The following PDE1C variants were observed in gnomAD, a reference collection of about 807,000 sequenced individuals.
PDE1C encodes phosphodiesterase 1C, also known as dual specificity calcium/calmodulin-dependent 3',5'-cyclic nucleotide phosphodiesterase 1C.
In PDE1C, 62 loss-of-function variants were observed where a neutral mutation model predicts 93.1. That is an observed-to-expected ratio of 0.67 (90% CI 0.54 to 0.82). PDE1C has a LOEUF of 0.82. Ranked by LOEUF, PDE1C falls within the 40% of genes least tolerant of loss-of-function variation. The probability of loss-of-function intolerance (pLI) is 0.00; values close to 1 mark genes in which losing one functional copy is unlikely to be tolerated. For synonymous variants in PDE1C, 325 were observed against 310.1 expected, an observed-to-expected ratio of 1.05 and a Z score of -0.50; for missense variants, 742 against 884.6, an observed-to-expected ratio of 0.84 and a Z score of 2.04.
chr7:31,826,431 T>C (rs1475214654), intron 12 of PDE1C, among the ~76,000 whole-genome samples: 1 of 152,218 alleles, frequency 6.6e-6, no homozygotes, highest in Admixed American at 6.5e-5. Context: ...ATGTATTGTG[T>C]ATTATGGTTA....
intron 2 of PDE1C, among the ~76,000 whole-genome samples, chr7:31,964,980 A>G (rs1809675757): frequency 6.6e-6 from 1 of 152,172 alleles, no homozygotes; most frequent in South Asian, 2.1e-4. Flanking sequence ...CAAAGACCAA[A>G]GGTAGATAAA....
intron 2 of PDE1C, among the ~76,000 whole-genome samples, chr7:32,033,277 A>T (rs573065578): frequency 6.6e-6 from 1 of 152,254 alleles, no homozygotes; most frequent in Non-Finnish European, 1.5e-5. Context: ...GGGAGAAGCG[A>T]GCCATGAAAT....
At chr7:31,964,368 C>A (rs561453821) in intron 2 of PDE1C, among the ~76,000 whole-genome samples, 1 of 148,396 alleles carries the variant, frequency 6.7e-6, no homozygotes, top group South Asian at 2.1e-4. Flanking sequence ...GCTAGCACAG[C>A]AATCTGAGAT....
At chr7:32,266,213 T>C (rs1391002341) in intron 1 of PDE1C, among the ~76,000 whole-genome samples, 1 of 149,944 alleles carries the variant, frequency 6.7e-6, no homozygotes, top group Non-Finnish European at 1.5e-5. Flanking sequence ...ACCTGGGAGG[T>C]ACAGCTTGCA....
chr7:31,770,468 C>T (rs1460819988), intron 17 of PDE1C, among the ~76,000 whole-genome samples: 1 of 152,136 alleles, frequency 6.6e-6, no homozygotes, highest in Admixed American at 6.5e-5. Flanking sequence ...ACTGCCAAAT[C>T]CAAGGTCATG....
chr7:31,797,376 T>C (rs562123956), intron 16 of PDE1C, among the ~76,000 whole-genome samples: 36 of 151,842 alleles, frequency 2.4e-4, no homozygotes, highest in Middle Eastern at 6.8e-3. Flanking sequence ...AGAAATATTA[T>C]CCTTTGAGAC....
At chr7:31,963,877 T>C (rs1360964965) in intron 2 of PDE1C, among the ~76,000 whole-genome samples, 1 of 151,952 alleles carries the variant, frequency 6.6e-6, no homozygotes, top group East Asian at 1.9e-4. Context: ...AGGCTGGGAG[T>C]CAATGTATGA....
chr7:32,217,014 A>G (rs1806484032), intron 1 of PDE1C, among the ~76,000 whole-genome samples: 1 of 152,232 alleles, frequency 6.6e-6, no homozygotes, highest in Non-Finnish European at 1.5e-5. Context: ...GTCAGGAGAG[A>G]GAGGCTCTTT....
chr7:32,014,704 T>A (rs1330508111), intron 2 of PDE1C, among the ~76,000 whole-genome samples: 1 of 152,138 alleles, frequency 6.6e-6, no homozygotes, highest in African/African-American at 2.4e-5. Flanking sequence ...AGTGAGAACA[T>A]GCAGTGTTTG....
intron 2 of PDE1C, among the ~76,000 whole-genome samples, chr7:32,185,213 C>A (rs1441696412): frequency 6.7e-6 from 1 of 148,174 alleles, no homozygotes; most frequent in Non-Finnish European, 1.5e-5. Context: ...CCATTGCACT[C>A]CAGCCTGGGC....
intron 2 of PDE1C, among the ~76,000 whole-genome samples, chr7:32,199,500 T>C (rs1804854272): frequency 6.6e-6 from 1 of 152,226 alleles, no homozygotes; most frequent in South Asian, 2.1e-4. Context: ...ACATTTTGGA[T>C]AGTCTCCTCA....
At chr7:32,100,562 T>C (rs1797989069) in intron 3 of PDE1C, among the ~76,000 whole-genome samples, 1 of 152,222 alleles carries the variant, frequency 6.6e-6, no homozygotes, top group Admixed American at 6.5e-5. Flanking sequence ...TAAATGCCGT[T>C]AGAGTCAAAC....
chr7:32,299,247 C>T (rs1249901476), exon 1 of PDE1C: 1 of 987,840 alleles, frequency 1.0e-6, no homozygotes, highest in Non-Finnish European at 1.2e-6. Context: ...GACCGGGGAG[C>T]TTCCAGAAAG....
Position 31,848,247 on chromosome 7 carries a change from C to T in PDE1C, c.852-151G>A, listed in dbSNP as rs553581970. 9.5e-5 allele frequency: 64 copies of T among 671,154 alleles called. No individual in the cohort carries two copies. In the African/African-American group the frequency reaches 1.1e-3, roughly 11 times the overall value. 41.6% of individuals were successfully genotyped at this position (671,154 alleles called of 1,614,324 possible). On this transcript the variant is annotated intron_variant, in intron 8 of 17. Transcript: ENST00000396191. ...TTATATGAACCAAAAGCTCAACTAACACTACAAATCATCAATAGATGAATG... is the reference window on the plus strand; with the variant it reads ...TTATATGAACCAAAAGCTCAACTAATACTACAAATCATCAATAGATGAATG...
At chr7:31,692,263 C>T in the PDE1C span, 6 of 532,232 alleles carry the variant, frequency 1.1e-5, no homozygotes, top group Middle Eastern at 3.2e-4. Context: ...TTCTAATAGC[C>T]AAGTTTAAGA....
At chr7:31,957,663 C>T (rs889849089) in intron 2 of PDE1C, among the ~76,000 whole-genome samples, 3 of 151,454 alleles carry the variant, frequency 2.0e-5, no homozygotes, top group Non-Finnish European at 4.4e-5. Context: ...CATATTAGCA[C>T]AGTTTTTGTG....
chr7:32,142,259 T>C (rs1408383811), intron 3 of PDE1C, among the ~76,000 whole-genome samples: 2 of 151,976 alleles, frequency 1.3e-5, no homozygotes, highest in South Asian at 2.1e-4. Flanking sequence ...TAGAGGAAGG[T>C]ACAAGGGCAA....
intron 2 of PDE1C, among the ~76,000 whole-genome samples, chr7:32,200,460 C>T (rs1804929733): frequency 2.0e-5 from 3 of 152,164 alleles, no homozygotes; most frequent in African/African-American, 7.2e-5. Flanking sequence ...TACCTTATTA[C>T]CCCTCTATGC....
At chr7:32,121,195 G>A (rs913029243) in intron 3 of PDE1C, among the ~76,000 whole-genome samples, 5 of 152,048 alleles carry the variant, frequency 3.3e-5, no homozygotes, top group African/African-American at 9.7e-5. Context: ...AGAATGAAAA[G>A]GAATGAACAA....
Sources: allele counts gnomAD v4.1 joint callset (sites outside exome capture counted in the v4.1 genomes callset), GRCh38; gene constraint gnomAD v4.1.1; transcripts MANE v1.5; gene names NCBI Gene and HGNC (gene_info 2026-07-23, HGNC 2026-07-21).